The following PDE8B variants were observed in gnomAD, a reference collection of about 807,000 sequenced individuals.
PDE8B encodes high affinity cAMP-specific and IBMX-insensitive 3',5'-cyclic phosphodiesterase 8B.
PDE8B carries 26 observed loss-of-function variants against 101.3 expected under a neutral mutation model. That is an observed-to-expected ratio of 0.26 (90% CI 0.19 to 0.36). PDE8B has a LOEUF of 0.36. PDE8B is among the 10% of genes least tolerant of loss of function. The pLI, the probability that PDE8B is intolerant of heterozygous loss-of-function variation, is 1.00. For missense variants in PDE8B, 810 were observed against 1,163.1 expected (o/e 0.70, Z 4.42); for synonymous variants, 424 against 429.3 (o/e 0.99, Z 0.15).
chr5:77,344,055 G>A (rs1779716262), intron 6 of PDE8B, among the ~76,000 whole-genome samples: 1 of 152,076 alleles, frequency 6.6e-6, no homozygotes, highest in South Asian at 2.1e-4. Flanking sequence ...TGATAACAAT[G>A]CCTTCTTCTG....
intron 19 of PDE8B, 139 bp downstream of exon 19, chr5:77,420,026 G>A (rs1049235966): frequency 2.1e-6 from 2 of 969,612 alleles, no homozygotes; most frequent in Non-Finnish European, 3.2e-6. Flanking sequence ...GAAAGGACTG[G>A]CCACTTGTTT....
the PDE8B span, among the ~76,000 whole-genome samples, chr5:77,107,203 C>T: frequency 5.9e-5 from 9 of 152,310 alleles, 1 homozygote; most frequent in East Asian, 1.7e-3. Flanking sequence ...TTTCCAGCTT[C>T]ATCCATGTCC....
intron 1 of PDE8B, among the ~76,000 whole-genome samples, chr5:77,309,941 A>ACCCT (rs772985826): frequency 1.2e-5 from 1 of 83,116 alleles, no homozygotes; most frequent in Non-Finnish European, 2.1e-5. Flanking sequence ...TTAATCATTA[A>ACCCT]TCTTTTTTTT....
chr5:77,262,320 A>G (rs1580657101), intron 1 of PDE8B, among the ~76,000 whole-genome samples: 1 of 152,190 alleles, frequency 6.6e-6, no homozygotes, highest in African/African-American at 2.4e-5. Flanking sequence ...CTCTAGTACT[A>G]AAGTGGTCAT....
intron 1 of PDE8B, among the ~76,000 whole-genome samples, chr5:77,215,516 T>A (rs1749486174): frequency 6.6e-6 from 1 of 152,224 alleles, no homozygotes; most frequent in South Asian, 2.1e-4. Context: ...GTTCCATGAA[T>A]TTTTAAGGAC....
chr5:77,202,843 G>A, the PDE8B span, among the ~76,000 whole-genome samples: 40,565 of 152,026 alleles, frequency 0.27, 5,879 homozygotes, highest in Non-Finnish European at 0.33. Flanking sequence ...CAAGTGATCC[G>A]CCCACCTTGG....
chr5:77,323,529 G>A (rs1024715524), intron 2 of PDE8B, among the ~76,000 whole-genome samples: 5 of 152,214 alleles, frequency 3.3e-5, no homozygotes, highest in Admixed American at 1.3e-4. Context: ...TATTATAAGA[G>A]CTAGGAAAAT....
the PDE8B span, among the ~76,000 whole-genome samples, chr5:77,194,821 T>C: frequency 6.6e-6 from 1 of 152,242 alleles, no homozygotes; most frequent in Non-Finnish European, 1.5e-5. Flanking sequence ...ATACCACATT[T>C]TGTGTATTCA....
At chr5:77,146,845 C>T in the PDE8B span, 1 of 348,950 alleles carries the variant, frequency 2.9e-6, no homozygotes. Context: ...GTTCAAGGAT[C>T]CCAATGCACC....
chr5:77,235,423 T>C (rs1304873667), intron 1 of PDE8B, among the ~76,000 whole-genome samples: 2 of 152,236 alleles, frequency 1.3e-5, no homozygotes, highest in East Asian at 3.8e-4. Flanking sequence ...AACAGGATTC[T>C]CTGGGACATG....
chr5:77,117,752 A>C, the PDE8B span, among the ~76,000 whole-genome samples: 3 of 152,204 alleles, frequency 2.0e-5, no homozygotes, highest in Admixed American at 6.5e-5. Flanking sequence ...GAGAGCAGGA[A>C]GAGCAATGGA....
At chr5:77,416,833 G>A (rs1795661439) in intron 17 of PDE8B, among the ~76,000 whole-genome samples, 1 of 152,118 alleles carries the variant, frequency 6.6e-6, no homozygotes, top group African/African-American at 2.4e-5. Flanking sequence ...AGCAAATTCT[G>A]GGAATACCAA....
intron 10 of PDE8B, among the ~76,000 whole-genome samples, chr5:77,399,416 A>C (rs190710112): frequency 6.6e-4 from 101 of 152,196 alleles, no homozygotes; most frequent in Non-Finnish European, 9.3e-4. Flanking sequence ...TGTCCTACAC[A>C]CTCATCTGTC....
chr5:77,361,222 A>G (rs2150556160), intron 10 of PDE8B, among the ~76,000 whole-genome samples: 1 of 152,344 alleles, frequency 6.6e-6, no homozygotes, highest in South Asian at 2.1e-4. Context: ...AGCTTTAAAC[A>G]GCCATGAAGG....
chr5:77,167,912 C>G, the PDE8B span, among the ~76,000 whole-genome samples: 878 of 152,152 alleles, frequency 5.8e-3, 8 homozygotes, highest in African/African-American at 0.021. Flanking sequence ...CCCATTTACA[C>G]TAGCTGGCTT....
At position 77,211,017 on chromosome 5, in the gene PDE8B, G is replaced by T; in HGVS notation, c.92G>T (p.Ser31Ile). The T allele has an allele frequency of 6.5e-7, 1 of 1,548,926 alleles. No individual in the cohort carries two copies. The part of the protein sequence containing the change: ...DESSSPRQTT[S>I]VSQGPAAPLP... ...TCCAGCTCGCCCCGCCAGACCACCAGCGTGTCGCAGGGCCCGGCGGCACCC... is the reference window on the plus strand; with the variant it reads ...TCCAGCTCGCCCCGCCAGACCACCATCGTGTCGCAGGGCCCGGCGGCACCC... The change falls in exon 1 of 22, where the codon AGC (serine) becomes ATC (isoleucine). Residue 31 changes from serine (S) to isoleucine (I), a missense_variant. Physicochemically the swap from Ser to Ile is moderately radical, Grantham distance 142. Coordinates refer to ENST00000264917, the MANE Select transcript of PDE8B (RefSeq NM_003719.5). This position sits in a 1 kb window ranked among gnomAD's most constrained non-coding sequence, Gnocchi z 4.1.
chr5:77,223,598 AG>A (rs994852203), intron 1 of PDE8B, among the ~76,000 whole-genome samples: 15 of 152,286 alleles, frequency 9.8e-5, no homozygotes, highest in African/African-American at 3.4e-4. Flanking sequence ...TAACTTGACA[AG>A]CATAGCACAG....
the PDE8B span, among the ~76,000 whole-genome samples, chr5:77,188,746 A>G: frequency 1.3e-5 from 2 of 152,208 alleles, no homozygotes; most frequent in Non-Finnish European, 2.9e-5. Context: ...ACAGAGGACA[A>G]TGTAATATTG....
chr5:77,192,577 TA>T, the PDE8B span, among the ~76,000 whole-genome samples: 1 of 152,252 alleles, frequency 6.6e-6, no homozygotes, highest in Non-Finnish European at 1.5e-5. Flanking sequence ...ACTCACCTAC[TA>T]ATGAACATTT....
Sources: gnomAD v4.1 joint callset for allele counts (sites outside exome capture counted in the v4.1 genomes callset) on GRCh38, gnomAD v4.1.1 for gene constraint, Gnocchi (gnomAD v3.1) non-coding constraint, MANE v1.5 for transcripts, NCBI Gene and HGNC (gene_info 2026-07-23, HGNC 2026-07-21) for gene names.